ROBO1: variants seen among roughly 807,000 people sequenced by gnomAD.
ROBO1 encodes the protein roundabout homolog 1.
ROBO1 carries 149 observed loss-of-function variants against 195.9 expected under a neutral mutation model. That is an observed-to-expected ratio of 0.76 (90% CI 0.67 to 0.87). The LOEUF is 0.87. Among genes scored for constraint, ROBO1 ranks in the 40% least tolerant of loss-of-function variants. The pLI is 0.00. For missense variants in ROBO1, 1,933 were observed against 2,068.3 expected, an observed-to-expected ratio of 0.93 and a Z score of 1.27; for synonymous variants, 816 against 733.2, an observed-to-expected ratio of 1.11 and a Z score of -1.82.
At chr3:79,307,813 G>A (rs1263991110) in intron 2 of ROBO1, among the ~76,000 whole-genome samples, 21 of 151,976 alleles carry the variant, frequency 1.4e-4, no homozygotes, top group Non-Finnish European at 3.1e-4. Context: ...GATTCACTTT[G>A]GAAGTAATGC....
At chr3:78,731,788 T>C (rs564533810) in intron 5 of ROBO1, among the ~76,000 whole-genome samples, 3 of 152,258 alleles carry the variant, frequency 2.0e-5, no homozygotes, top group East Asian at 1.9e-4. Context: ...AACTTAAGAA[T>C]TGCAAAAGCT....
chr3:79,391,426 C>G (rs4501075), intron 2 of ROBO1, among the ~76,000 whole-genome samples: 63 of 152,234 alleles, frequency 4.1e-4, no homozygotes, highest in African/African-American at 1.5e-3. Flanking sequence ...ATTTTGTACT[C>G]TAATAAATAG....
intron 3 of ROBO1, among the ~76,000 whole-genome samples, chr3:79,082,914 T>C (rs1055595526): frequency 6.6e-6 from 1 of 152,160 alleles, no homozygotes; most frequent in Non-Finnish European, 1.5e-5. Context: ...AACGAAACTG[T>C]CCTTATCTCA....
chr3:79,566,881 A>G (rs1004397356), intron 2 of ROBO1, among the ~76,000 whole-genome samples: 3 of 152,058 alleles, frequency 2.0e-5, no homozygotes, highest in African/African-American at 7.2e-5. Flanking sequence ...GGCGATTCCT[A>G]AAGGACATAG....
intron 2 of ROBO1, among the ~76,000 whole-genome samples, chr3:79,412,603 A>G (rs2037817765): frequency 6.6e-6 from 1 of 152,138 alleles, no homozygotes; most frequent in Admixed American, 6.6e-5. Context: ...TGCTGCTAAG[A>G]CATGATAAAA....
intron 2 of ROBO1, among the ~76,000 whole-genome samples, chr3:79,431,732 A>G (rs1216848753): frequency 6.6e-6 from 1 of 152,190 alleles, no homozygotes; most frequent in African/African-American, 2.4e-5. Context: ...ATGAAGCTAA[A>G]GCATTGTGCA....
At chr3:78,800,141 C>A (rs1415315129) in intron 4 of ROBO1, among the ~76,000 whole-genome samples, 1 of 152,122 alleles carries the variant, frequency 6.6e-6, no homozygotes, top group Non-Finnish European at 1.5e-5. Context: ...TGATAGTTCT[C>A]ATTTATCTTC....
intron 27 of ROBO1, among the ~76,000 whole-genome samples, chr3:78,616,367 G>A (rs3773197): frequency 1.3e-5 from 2 of 152,070 alleles, no homozygotes; most frequent in East Asian, 3.8e-4. Context: ...GCAGCTACTA[G>A]AGGAATAAAA....
rs766041689 is a variant in ROBO1 at position 78,636,115 on chromosome 3, G to A, written c.3038-7C>T. The A allele has an allele frequency of 6.3e-7, 1 of 1,579,702 alleles. No homozygotes were observed. The highest frequency in any genetic ancestry group is 1.1e-5 in the South Asian group (1 of 88,310). The stretch of plus-strand genomic sequence containing the variant: ...TAATTTGCTATACAATCAGCTATGT[G>A]CAATGGAGAGGAAAAGGAAAAAATC... On this transcript the variant is annotated splice_polypyrimidine_tract_variant and splice_region_variant and intron_variant, in intron 22 of 30. Transcript: ENST00000464233.
intron 2 of ROBO1, among the ~76,000 whole-genome samples, chr3:79,463,968 A>C (rs1220680868): frequency 6.6e-6 from 1 of 152,162 alleles, no homozygotes; most frequent in Non-Finnish European, 1.5e-5. Context: ...GCAGCCAGTC[A>C]TCTCCTTTCC....
chr3:78,992,274 C>A (rs1249602963), intron 3 of ROBO1, among the ~76,000 whole-genome samples: 1 of 150,228 alleles, frequency 6.7e-6, no homozygotes, highest in Non-Finnish European at 1.5e-5. Context: ...GATATCATCT[C>A]GCTAAGCCAA....
At chr3:79,015,006 G>A (rs1366684972) in intron 3 of ROBO1, among the ~76,000 whole-genome samples, 1 of 152,066 alleles carries the variant, frequency 6.6e-6, no homozygotes, top group Non-Finnish European at 1.5e-5. Flanking sequence ...GTCATTGTTA[G>A]TCTGAAATTT....
At chr3:78,638,445 T>G (rs1705696202) in intron 22 of ROBO1, among the ~76,000 whole-genome samples, 1 of 151,926 alleles carries the variant, frequency 6.6e-6, no homozygotes. Flanking sequence ...TTATTACTGT[T>G]GTAGATTATT....
At chr3:79,474,843 A>G (rs1206440190) in intron 2 of ROBO1, among the ~76,000 whole-genome samples, 1 of 152,042 alleles carries the variant, frequency 6.6e-6, no homozygotes, top group African/African-American at 2.4e-5. Context: ...TGCATTCTCT[A>G]TGAAAGATCT....
intron 1 of ROBO1, among the ~76,000 whole-genome samples, chr3:79,620,466 G>T (rs749285366): frequency 2.0e-5 from 3 of 151,936 alleles, no homozygotes; most frequent in South Asian, 2.1e-4. Flanking sequence ...GGGTATCGAC[G>T]GCCAGGCTTC....
Position 78,815,864 on chromosome 3 carries a change from A to G in ROBO1, c.500-68964T>C, listed in dbSNP as rs138045459. On this transcript the variant is annotated intron_variant, in intron 4 of 30. Coordinates refer to ENST00000464233, the MANE Select transcript of ROBO1 (RefSeq NM_002941.4). ...AGTTTTAAACCCGTCAGTGTCATTCATGAGGGTTGAAATAAATTTCTTCCA... is the reference window on the plus strand; with the variant it reads ...AGTTTTAAACCCGTCAGTGTCATTCGTGAGGGTTGAAATAAATTTCTTCCA... 6.7e-4 allele frequency among the ~76,000 whole-genome samples: 102 copies of G among 152,288 alleles called. 1 individual carries two copies. The East Asian group carries it at 0.018, about 26-fold the overall frequency.
At chr3:79,490,669 T>C (rs574207436) in intron 2 of ROBO1, among the ~76,000 whole-genome samples, 28 of 152,318 alleles carry the variant, frequency 1.8e-4, no homozygotes, top group African/African-American at 6.0e-4. Flanking sequence ...CAGGAGAAAG[T>C]TGCCTTCCCT....
intron 1 of ROBO1, among the ~76,000 whole-genome samples, chr3:79,756,225 A>C (rs1363970694): frequency 6.6e-6 from 1 of 152,166 alleles, no homozygotes; most frequent in East Asian, 1.9e-4. Context: ...TAAAATGAAC[A>C]TTTTTAGAGG....
intron 2 of ROBO1, among the ~76,000 whole-genome samples, chr3:79,560,751 T>C (rs1942888427): frequency 6.6e-6 from 1 of 151,872 alleles, no homozygotes; most frequent in African/African-American, 2.4e-5. Context: ...ATTTCATGTG[T>C]ATATAACATG....
Sources: gnomAD v4.1 joint callset for allele counts (sites outside exome capture counted in the v4.1 genomes callset) on GRCh38, gnomAD v4.1.1 for gene constraint, MANE v1.5 for transcripts, NCBI Gene and HGNC (gene_info 2026-07-23, HGNC 2026-07-21) for gene names.